RSPO1: variants seen among roughly 807,000 people sequenced by gnomAD.
RSPO1 encodes the protein R-spondin-1.
A neutral mutation model predicts 26.0 loss-of-function variants in RSPO1; 18 were observed. That is an observed-to-expected ratio of 0.69 (90% CI 0.48 to 1.03). The LOEUF (loss-of-function observed/expected upper bound fraction) is 1.03. RSPO1 is among the 50% of genes least tolerant of loss of function. The pLI is 0.00. For synonymous variants in RSPO1, 133 were observed against 137.4 expected, an observed-to-expected ratio of 0.97 and a Z score of 0.22; for missense variants, 309 against 352.3, an observed-to-expected ratio of 0.88 and a Z score of 0.98.
At chr1:37,618,080 T>C (rs1644144571) in intron 3 of RSPO1, among the ~76,000 whole-genome samples, 1 of 152,184 alleles carries the variant, frequency 6.6e-6, no homozygotes, top group African/African-American at 2.4e-5. Context: ...TGCAGATAAC[T>C]TGGGGTGGAG....
Position 37,629,700 on chromosome 1 carries a change from G to A in RSPO1, c.-39C>T, listed in dbSNP as rs757247369. The stretch of plus-strand genomic sequence containing the variant: ...CTCCAGGCCCCTGGTCGGAGGGGTG[G>A]TCTCGGGGAGGGTGGATAGCACACG... On this transcript the variant is annotated 5_prime_UTR_variant, in exon 3 of 7. Transcript: ENST00000356545. 1 of 1,611,656 alleles carries A rather than the reference G, an allele frequency of 6.2e-7. No homozygotes were observed. Among genetic ancestry groups the A allele is most frequent in the Non-Finnish European group, 8.5e-7 (1 of 1,179,058 alleles).
At chr1:37,626,936 G>A (rs142132011) in intron 3 of RSPO1, among the ~76,000 whole-genome samples, 5 of 152,176 alleles carry the variant, frequency 3.3e-5, no homozygotes, top group African/African-American at 1.2e-4. Flanking sequence ...AGGAGTTCAG[G>A]GAGGGGCAGG....
intron 3 of RSPO1, among the ~76,000 whole-genome samples, chr1:37,621,932 G>A (rs1363102861): frequency 6.6e-6 from 1 of 151,902 alleles, no homozygotes; most frequent in Non-Finnish European, 1.5e-5. Context: ...CTCCTGAGTA[G>A]CTACAACTAC....
chr1:37,633,989 G>T (rs914126826), intron 1 of RSPO1, among the ~76,000 whole-genome samples: 1 of 152,144 alleles, frequency 6.6e-6, no homozygotes, highest in South Asian at 2.1e-4. Context: ...AGTCTGTCCC[G>T]GCCCTCCAGG....
intron 3 of RSPO1, among the ~76,000 whole-genome samples, chr1:37,627,051 C>T (rs4074961): frequency 0.39 from 59,703 of 151,998 alleles, 12,683 homozygotes; most frequent in East Asian, 0.51. Context: ...CAGACCATCA[C>T]TCAGACTCCG....
chr1:37,613,593 GGCCTTGCCCTGAAGCTTCTTCCTGA>G lies in RSPO1; in HGVS notation c.625+86_625+110del, dbSNP rs1644059573. ...GTCTTGAGTTGCGGGTGCCCCATCTGGCCTTGCCCTGAAGCTTCTTCCTGAGCCGTGGGCAGGAAGCAGAGGTGGC... is the reference window on the plus strand; with the variant it reads ...GTCTTGAGTTGCGGGTGCCCCATCTGGCCGTGGGCAGGAAGCAGAGGTGGC... On this transcript the variant is annotated intron_variant, in intron 6 of 6. Transcript: ENST00000356545. The surrounding 1 kb of genome is among the most constrained non-coding windows in gnomAD (Gnocchi z 4.5). The G allele has an allele frequency of 1.1e-6, 1 of 894,766 alleles. No homozygotes were observed. Among genetic ancestry groups the G allele is most frequent in the Non-Finnish European group, 1.8e-6 (1 of 558,392 alleles). 55.4% of individuals were successfully genotyped at this position (894,766 alleles called of 1,614,324 possible).
chr1:37,624,798 A>G (rs948306675), intron 3 of RSPO1, among the ~76,000 whole-genome samples: 1 of 152,182 alleles, frequency 6.6e-6, no homozygotes, highest in Non-Finnish European at 1.5e-5. Flanking sequence ...ATAGCTCCCT[A>G]TCACCTACAG....
Position 37,613,605 on chromosome 1 carries a change from A to C in RSPO1, c.625+99T>G. Reference sequence around the variant, plus strand: ...GGGTGCCCCATCTGGCCTTGCCCTGAAGCTTCTTCCTGAGCCGTGGGCAGG... The same window carrying C: ...GGGTGCCCCATCTGGCCTTGCCCTGCAGCTTCTTCCTGAGCCGTGGGCAGG... On this transcript the variant is annotated intron_variant, in intron 6 of 6. Coordinates refer to ENST00000356545, the MANE Select transcript of RSPO1 (RefSeq NM_001242908.2). The surrounding 1 kb of genome is among the most constrained non-coding windows in gnomAD (Gnocchi z 4.5). The C allele has an allele frequency of 9.5e-7, 1 of 1,058,010 alleles. No homozygotes were observed. Among genetic ancestry groups the C allele is most frequent in the South Asian group, 1.3e-5 (1 of 75,688 alleles). The allele number at this position is 1,058,010 out of a possible 1,614,324, so 65.5% of individuals were successfully genotyped here.
At chr1:37,626,718 G>A (rs1644282898) in intron 3 of RSPO1, among the ~76,000 whole-genome samples, 1 of 152,140 alleles carries the variant, frequency 6.6e-6, no homozygotes, top group Non-Finnish European at 1.5e-5. Flanking sequence ...GGGGGCTCCT[G>A]GCTTCTGGAG....
At chr1:37,614,100 C>A in intron 5 of RSPO1, 84 bp downstream of exon 5, 1 of 1,510,630 alleles carries the variant, frequency 6.6e-7, no homozygotes, top group Non-Finnish European at 9.1e-7. Flanking sequence ...GTGCCCCAGC[C>A]CACCCGCTCT....
chr1:37,623,241 G>A (rs1644229231), intron 3 of RSPO1, among the ~76,000 whole-genome samples: 1 of 150,392 alleles, frequency 6.6e-6, no homozygotes, highest in Admixed American at 6.6e-5. Context: ...GGGGGGAGAG[G>A]AGAGGGGGCT....
intron 2 of RSPO1, among the ~76,000 whole-genome samples, chr1:37,631,055 A>T (rs1341709758): frequency 6.6e-6 from 1 of 152,176 alleles, no homozygotes; most frequent in Non-Finnish European, 1.5e-5. Context: ...GAGAAATCTG[A>T]GGTGCTGGAG....
chr1:37,633,446 G>A (rs1289302227), intron 1 of RSPO1, among the ~76,000 whole-genome samples: 1 of 152,218 alleles, frequency 6.6e-6, no homozygotes, highest in Non-Finnish European at 1.5e-5. Context: ...AGGTGGAGCT[G>A]AGGGCAGAAA....
chr1:37,629,544 G>A (rs376609243), intron 3 of RSPO1, 24 bp downstream of exon 3: 160 of 1,608,312 alleles, frequency 9.9e-5, no homozygotes, highest in Non-Finnish European at 1.3e-4. Flanking sequence ...GGCCAGCTGT[G>A]GCCCACCATG....
chr1:37,632,823 G>A (rs567816059), intron 1 of RSPO1, among the ~76,000 whole-genome samples: 13 of 152,346 alleles, frequency 8.5e-5, no homozygotes, highest in Middle Eastern at 3.4e-3. Context: ...TGCAGACATG[G>A]ACAGCATGGG....
chr1:37,614,072 G>A, intron 5 of RSPO1, 112 bp downstream of exon 5: 1 of 1,366,752 alleles, frequency 7.3e-7, no homozygotes, highest in Non-Finnish European at 1.0e-6. Context: ...GAGTGGTAGG[G>A]TAAGCTCTCC....
intron 3 of RSPO1, among the ~76,000 whole-genome samples, chr1:37,622,817 G>T (rs1179485935): frequency 6.6e-6 from 1 of 152,208 alleles, no homozygotes; most frequent in African/African-American, 2.4e-5. Context: ...TTGGTGGAGA[G>T]GTGGAGATGA....
At chr1:37,614,654 G>A (rs779135175) in intron 4 of RSPO1, among the ~76,000 whole-genome samples, 12 of 152,216 alleles carry the variant, frequency 7.9e-5, no homozygotes, top group Non-Finnish European at 1.2e-4. Context: ...AGAGGCGGAG[G>A]GTGGGGCCGT....
In RSPO1 at chr1:37,613,891, C is replaced by T. The variant is rs202233461; in HGVS notation, c.438G>A (p.Ala146=). 14 of 1,613,968 alleles carry T rather than the reference C, an allele frequency of 8.7e-6. No homozygotes were observed. The highest frequency in any genetic ancestry group is 1.7e-4 in the Middle Eastern group (1 of 6,028). ...GAGACCACTCGCTCATTTCACATTG[C>T]GCTGGCAGGAAGAGAAGGGAAGGGA... ...ANGTMECSSP[A]QCEMSEWSPW... Residue 146 remains alanine, a splice_region_variant and synonymous_variant, in exon 6 of 7, where the codon GCG becomes GCA. Coordinates refer to ENST00000356545, the MANE Select transcript of RSPO1 (RefSeq NM_001242908.2). The surrounding 1 kb of genome is among the most constrained non-coding windows in gnomAD (Gnocchi z 4.5).
Sources: allele counts gnomAD v4.1 joint callset (sites outside exome capture counted in the v4.1 genomes callset), GRCh38; gene constraint gnomAD v4.1.1; non-coding constraint Gnocchi (gnomAD v3.1); transcripts MANE v1.5; gene names NCBI Gene and HGNC (gene_info 2026-07-23, HGNC 2026-07-21).